Variants in FILIP1 observed in about 807,000 individuals in gnomAD.
The protein encoded by FILIP1 is filamin-A-interacting protein 1.
Under a neutral mutation model 102.1 loss-of-function variants are expected in FILIP1, and 61 were observed. The ratio of observed to expected loss-of-function variants is 0.60; its 90% CI spans 0.49 to 0.74. The LOEUF (loss-of-function observed/expected upper bound fraction) is 0.74, where lower values mean the gene tolerates loss of function less well. Among genes scored for constraint, FILIP1 ranks in the 30% least tolerant of loss-of-function variants. The pLI, the probability that FILIP1 is intolerant of heterozygous loss-of-function variation, is 0.00. For missense variants in FILIP1, 1,314 were observed against 1,441.2 expected, an observed-to-expected ratio of 0.91 and a Z score of 1.43; for synonymous variants, 491 against 526.9, an observed-to-expected ratio of 0.93 and a Z score of 0.93.
chr6:75,448,211 A>G (rs894030775), intron 1 of FILIP1, among the ~76,000 whole-genome samples: 2 of 152,128 alleles, frequency 1.3e-5, no homozygotes, highest in Non-Finnish European at 2.9e-5. Context: ...TTCCTCCTAG[A>G]TCACTAATTA....
In FILIP1 at chr6:75,295,009, T is replaced by A. The variant is rs1772634755; in HGVS notation, c.*901A>T. 2.0e-5 allele frequency: 3 copies of A among 151,924 alleles called. No individual in the cohort carries two copies. In the South Asian group the frequency reaches 6.2e-4, roughly 32 times the overall value. 9.4% of individuals were successfully genotyped at this position (151,924 alleles called of 1,614,324 possible). A position where few individuals can be genotyped will look rare whatever the true frequency, so the allele number is the denominator to read the frequency against. The stretch of plus-strand genomic sequence containing the variant: ...CACGACCCACCATGCCCAGTCTTAT[T>A]TTTTAAAAAAGATCCTGACATTTTA... On this transcript the variant is annotated 3_prime_UTR_variant, in exon 7 of 7. Coordinates refer to the FILIP1 transcript ENST00000393004.
At chr6:75,333,972 G>A (rs1440882053) in intron 4 of FILIP1, among the ~76,000 whole-genome samples, 2 of 151,952 alleles carry the variant, frequency 1.3e-5, no homozygotes, top group East Asian at 1.9e-4. Flanking sequence ...GAACAAACAC[G>A]GCTTTCTTTG....
chr6:75,451,725 T>A (rs191880540), intron 1 of FILIP1, among the ~76,000 whole-genome samples: 4 of 152,078 alleles, frequency 2.6e-5, no homozygotes, highest in African/African-American at 9.6e-5. Context: ...TCCCAGCTAC[T>A]CGGGAGGGTG....
chr6:75,457,383 A>T (rs942089321), intron 1 of FILIP1, among the ~76,000 whole-genome samples: 4 of 152,222 alleles, frequency 2.6e-5, no homozygotes, highest in African/African-American at 9.6e-5. Context: ...TAGGGTAGAA[A>T]GGAGGAGTGA....
downstream of FILIP1, among the ~76,000 whole-genome samples, chr6:75,304,059 G>A (rs907569661): frequency 6.6e-6 from 1 of 152,018 alleles, no homozygotes; most frequent in African/African-American, 2.4e-5. Flanking sequence ...GTCTAATGGA[G>A]CATTTGGAAA....
In FILIP1 at chr6:75,315,044, A is replaced by T; in HGVS notation, c.788T>A (p.Leu263Gln). The stretch of plus-strand genomic sequence containing the variant: ...AAGATCCTGTACTTTCTGGCTTTGC[A>T]GGCCAAGTTGTTCAATGTGCATTTG... ...ERQMHIEQLG[L>Q]QSQKVQDLTQ... Residue 263 changes from leucine to glutamine, a missense_variant, in exon 5 of 6, where the codon CTG becomes CAG. Around this residue, in one of 3 missense-constraint regions of FILIP1, gnomAD observed 494 missense variants for 511.2 expected, o/e 0.97. Transcript: ENST00000237172. 2 of 1,614,060 alleles carry T rather than the reference A, an allele frequency of 1.2e-6. No individual in the cohort carries two copies. The highest frequency in any genetic ancestry group is 1.7e-6 in the Non-Finnish European group (2 of 1,179,992).
chr6:75,455,848 T>C (rs1452379804), intron 1 of FILIP1, among the ~76,000 whole-genome samples: 1 of 152,208 alleles, frequency 6.6e-6, no homozygotes, highest in African/African-American at 2.4e-5. Context: ...GCTGTGGGCA[T>C]AGGCAGAGTC....
At chr6:75,349,680 T>A (rs1774719929) in intron 4 of FILIP1, among the ~76,000 whole-genome samples, 1 of 152,138 alleles carries the variant, frequency 6.6e-6, no homozygotes, top group African/African-American at 2.4e-5. Flanking sequence ...GCCGTTTCCT[T>A]ATTAGCAGCA....
In FILIP1 at chr6:75,415,041, A is replaced by G. The variant is rs921485209; in HGVS notation, c.-6-63T>C. The G allele has an allele frequency of 3.4e-6, 5 of 1,453,858 alleles. No homozygotes were observed. In the African/African-American group the frequency reaches 4.3e-5, roughly 12 times the overall value. The allele number at this position is 1,453,858 out of a possible 1,614,324, so 90.1% of individuals were successfully genotyped here. On this transcript the variant is annotated intron_variant, in intron 1 of 5. Coordinates refer to ENST00000237172, the MANE Select transcript of FILIP1 (RefSeq NM_015687.5). ...ACCACCATCAAAATTATTTTTGCCT[A>G]AATACTTAGAAACTTATAGCAGCTT...
At chr6:75,389,600 G>C (rs1008009983) in intron 2 of FILIP1, among the ~76,000 whole-genome samples, 1 of 152,098 alleles carries the variant, frequency 6.6e-6, no homozygotes, top group Non-Finnish European at 1.5e-5. Context: ...TTTAGTATTA[G>C]GAGGGTGTAT....
chr6:75,293,758 T>C (rs898568468), exon 7 of FILIP1: 1 of 152,238 alleles, frequency 6.6e-6, no homozygotes, highest in African/African-American at 2.4e-5. Flanking sequence ...GAGAAAGTTA[T>C]TTGCTTCAAA....
chr6:75,395,755 GAT>G (rs1776439746), intron 2 of FILIP1, among the ~76,000 whole-genome samples: 1 of 152,122 alleles, frequency 6.6e-6, no homozygotes. Context: ...CCTTGGAAAA[GAT>G]ATTGTAGTGA....
exon 7 of FILIP1, chr6:75,292,411 G>GT (rs2149528574): frequency 6.6e-6 from 1 of 152,214 alleles, no homozygotes; most frequent in African/African-American, 2.4e-5. Flanking sequence ...TCACGTTATG[G>GT]CATCGATAAA....
chr6:75,300,556 C>T (rs572688813), intron 6 of FILIP1, among the ~76,000 whole-genome samples: 3 of 152,188 alleles, frequency 2.0e-5, no homozygotes, highest in Non-Finnish European at 4.4e-5. Context: ...TTCTCATTTT[C>T]CTAAACTGCT....
chr6:75,421,377 G>GT (rs2149696053), intron 1 of FILIP1, among the ~76,000 whole-genome samples: 1 of 152,278 alleles, frequency 6.6e-6, no homozygotes, highest in African/African-American at 2.4e-5. Flanking sequence ...AGCTAGGGAT[G>GT]TATCGGCTCC....
chr6:75,484,370 G>C (rs1206153648), intron 1 of FILIP1, among the ~76,000 whole-genome samples: 1 of 151,780 alleles, frequency 6.6e-6, no homozygotes, highest in Non-Finnish European at 1.5e-5. Flanking sequence ...AAAATGATGA[G>C]GTGGCACTCA....
intron 1 of FILIP1, among the ~76,000 whole-genome samples, chr6:75,441,251 T>C (rs1346700754): frequency 5.9e-5 from 9 of 151,978 alleles, no homozygotes; most frequent in Non-Finnish European, 1.3e-4. Flanking sequence ...TTAATCCATT[T>C]AACCCTGAGT....
At chr6:75,378,346 AATAG>A (rs961495894) in intron 2 of FILIP1, among the ~76,000 whole-genome samples, 3 of 152,312 alleles carry the variant, frequency 2.0e-5, no homozygotes, top group Non-Finnish European at 2.9e-5. Flanking sequence ...TGTGGCACTA[AATAG>A]ATAGCAAAAA....
intron 1 of FILIP1, among the ~76,000 whole-genome samples, chr6:75,482,248 A>G (rs1779667893): frequency 6.6e-6 from 1 of 152,240 alleles, no homozygotes; most frequent in South Asian, 2.1e-4. Context: ...ATAAGGTGAA[A>G]TAAAGCAAAA....
Sources: allele counts gnomAD v4.1 joint callset (sites outside exome capture counted in the v4.1 genomes callset), GRCh38; gene constraint gnomAD v4.1.1; regional missense constraint gnomAD v4.1.1; transcripts MANE v1.5; gene names NCBI Gene and HGNC (gene_info 2026-07-23, HGNC 2026-07-21).